C16orf74: variants seen among roughly 807,000 people sequenced by gnomAD.
The protein encoded by C16orf74 is uncharacterized protein C16orf74.
A neutral mutation model predicts 6.5 loss-of-function variants in C16orf74; 10 were observed. The observed-to-expected ratio is 1.54, with a 90% CI of 0.95 to 2.61. The LOEUF is 2.61. Ranked by LOEUF, C16orf74 falls within the 30% of genes most tolerant of loss-of-function variation. C16orf74 has a pLI of 0.00. For missense variants in C16orf74, 141 were observed against 105.9 expected (o/e 1.33, Z -1.45); for synonymous variants, 60 against 42.5 (o/e 1.41, Z -1.60).
At chr16:85,728,414 C>T (rs1235392495) in intron 2 of C16orf74, among the ~76,000 whole-genome samples, 5 of 152,202 alleles carry the variant, frequency 3.3e-5, no homozygotes, top group Non-Finnish European at 7.3e-5. Flanking sequence ...CACCAAGCCC[C>T]AGGCAGCCCC....
intron 2 of C16orf74, among the ~76,000 whole-genome samples, chr16:85,732,178 A>T (rs1025772868): frequency 6.6e-6 from 1 of 152,234 alleles, no homozygotes; most frequent in African/African-American, 2.4e-5. Flanking sequence ...CTTGGCAGGA[A>T]GGAGCCTCCT....
In C16orf74 at chr16:85,710,136, G is replaced by A. The variant is rs541222718; in HGVS notation, c.172+28C>T. On this transcript the variant is annotated intron_variant, in intron 3 of 3. Transcript: ENST00000284245. ...TCCACCGGGCCCCCACAGCCGACCC[G>A]GCTTGGCGGTGGAGGGGACGGCCTC... The A allele has an allele frequency of 8.9e-4, 1,240 of 1,396,820 alleles. 1 individual carries two copies. The highest frequency in any genetic ancestry group is 1.1e-3 in the Non-Finnish European group (1,145 of 1,079,112). The allele number at this position is 1,396,820 out of a possible 1,614,324, so 86.5% of individuals were successfully genotyped here.
chr16:85,716,543 G>C (rs1371760343), intron 2 of C16orf74, among the ~76,000 whole-genome samples: 1 of 134,698 alleles, frequency 7.4e-6, no homozygotes, highest in Non-Finnish European at 1.6e-5. Context: ...AGGAGGGAGG[G>C]AAGGAGGACA....
intron 1 of C16orf74, among the ~76,000 whole-genome samples, chr16:85,735,652 G>T (rs1055201350): frequency 2.0e-5 from 3 of 151,590 alleles, no homozygotes; most frequent in African/African-American, 7.3e-5. Context: ...TGGCCCAGAG[G>T]CCCCCATGGC....
rs115141543 is a variant in C16orf74, at chr16:85,739,188, C to G, written c.-18-3953G>C. Among the ~76,000 whole-genome samples the G allele has an allele frequency of 5.9e-4, 90 of 152,274 alleles. 1 individual carries two copies. Among genetic ancestry groups the G allele is most frequent in the African/African-American group, 2.0e-3 (83 of 41,560 alleles). ...CAACCACAATAAGCCAGAGGGAAAG[C>G]TGCACAGAGCCCCAGGGCCTCTGCT... On this transcript the variant is annotated intron_variant, in intron 1 of 3. Coordinates refer to ENST00000284245, the MANE Select transcript of C16orf74 (RefSeq NM_206967.3).
chr16:85,715,904 A>G (rs1171050551), intron 2 of C16orf74, among the ~76,000 whole-genome samples: 1 of 152,192 alleles, frequency 6.6e-6, no homozygotes, highest in African/African-American at 2.4e-5. Flanking sequence ...TGAGGACATG[A>G]ATGAATTCAC....
intron 2 of C16orf74, among the ~76,000 whole-genome samples, chr16:85,734,378 C>T (rs548109901): frequency 6.6e-6 from 1 of 152,140 alleles, no homozygotes; most frequent in Admixed American, 6.5e-5. Context: ...GCAGGCTGAT[C>T]CCAGGCTTGG....
intron 1 of C16orf74, among the ~76,000 whole-genome samples, chr16:85,735,529 G>C (rs925228869): frequency 2.0e-5 from 3 of 152,198 alleles, no homozygotes; most frequent in African/African-American, 7.2e-5. Context: ...CCAGGAGGCG[G>C]AGGCTGCAGT....
At chr16:85,734,913 C>T (rs577397981) in intron 2 of C16orf74, among the ~76,000 whole-genome samples, 1 of 152,340 alleles carries the variant, frequency 6.6e-6, no homozygotes, top group South Asian at 2.1e-4. Flanking sequence ...CTCCCTCACT[C>T]TCCACAGCCT....
intron 1 of C16orf74, among the ~76,000 whole-genome samples, chr16:85,741,945 G>C (rs941754382): frequency 4.6e-5 from 7 of 152,158 alleles, no homozygotes; most frequent in African/African-American, 1.7e-4. Flanking sequence ...GTTGAAATTT[G>C]ATTCAGAACA....
chr16:85,749,932 G>A (rs2054417980), intron 1 of C16orf74, among the ~76,000 whole-genome samples: 1 of 152,172 alleles, frequency 6.6e-6, no homozygotes, highest in South Asian at 2.1e-4. Flanking sequence ...CCACAGGACC[G>A]GGTCCCCAGC....
intron 1 of C16orf74, among the ~76,000 whole-genome samples, chr16:85,750,102 TCA>T (rs892019718): frequency 3.3e-5 from 5 of 152,188 alleles, no homozygotes; most frequent in Admixed American, 6.5e-5. Context: ...TCTCAGAGCC[TCA>T]GTTTCCTAAC....
chr16:85,715,564 T>C (rs2054014885), intron 2 of C16orf74, among the ~76,000 whole-genome samples: 1 of 151,938 alleles, frequency 6.6e-6, no homozygotes, highest in Admixed American at 6.6e-5. Flanking sequence ...AAATATTTGA[T>C]CTCTGTGGGC....
In C16orf74 at chr16:85,708,811, G is replaced by T. The variant is rs184138070; in HGVS notation, c.173-745C>A. ...ACCCAAGCTCAGGACATCTGGAAGG[G>T]TCTATGGATTCCCCCTCCCAGACAG... is the stretch of plus-strand genomic sequence containing the variant. On this transcript the variant is annotated intron_variant, in intron 3 of 3. Coordinates refer to ENST00000284245, the MANE Select transcript of C16orf74 (RefSeq NM_206967.3). Among the ~76,000 whole-genome samples the T allele has an allele frequency of 1.8e-4, 27 of 152,304 alleles. 1 individual carries two copies. The highest frequency in any genetic ancestry group is 1.7e-3 in the Admixed American group (26 of 15,290).
rs555672393 is a variant in C16orf74, at chr16:85,710,586, T to A, written c.29-279A>T. 3 of 396,464 alleles carry A rather than the reference T, an allele frequency of 7.6e-6. No individual in the cohort carries two copies. The South Asian group carries it at 1.1e-4, about 15-fold the overall frequency. The allele number at this position is 396,464 out of a possible 1,614,324, so 24.6% of individuals were successfully genotyped here. Reference sequence around the variant, plus strand: ...TGGCCTCTGGGTCCAGTTGTCAGCCTTTACCATGTGGCCCAGCCAGCTGCA... The same window carrying A: ...TGGCCTCTGGGTCCAGTTGTCAGCCATTACCATGTGGCCCAGCCAGCTGCA... On this transcript the variant is annotated intron_variant, in intron 2 of 3. Transcript: ENST00000284245.
intron 1 of C16orf74, chr16:85,744,285 T>C (rs1481465964): frequency 1.5e-5 from 2 of 131,780 alleles, no homozygotes; most frequent in East Asian, 2.2e-4. Flanking sequence ...AAAGATTTAA[T>C]GGGAGAAAAA....
chr16:85,718,600 G>A (rs1478784031), intron 2 of C16orf74, among the ~76,000 whole-genome samples: 1 of 152,170 alleles, frequency 6.6e-6, no homozygotes, highest in Non-Finnish European at 1.5e-5. Flanking sequence ...GTAAATAACA[G>A]TGCCCAGGTC....
intron 2 of C16orf74, among the ~76,000 whole-genome samples, chr16:85,715,513 C>A (rs2054014476): frequency 6.6e-6 from 1 of 152,154 alleles, no homozygotes. Flanking sequence ...AGCATAATCC[C>A]ATGTAACAGC....
chr16:85,727,501 T>G (rs1394904778), intron 2 of C16orf74, among the ~76,000 whole-genome samples: 1 of 152,148 alleles, frequency 6.6e-6, no homozygotes. Context: ...CGGAATCACG[T>G]GGACATTCAT....
Sources: allele counts gnomAD v4.1 joint callset (sites outside exome capture counted in the v4.1 genomes callset), GRCh38; gene constraint gnomAD v4.1.1; transcripts MANE v1.5; gene names NCBI Gene and HGNC (gene_info 2026-07-23, HGNC 2026-07-21).